Variants in DNMBP observed in about 807,000 individuals in gnomAD.
DNMBP encodes the protein dynamin-binding protein.
A neutral mutation model predicts 150.0 loss-of-function variants in DNMBP; 87 were observed. That is an observed-to-expected ratio of 0.58 (90% confidence interval 0.49 to 0.69). DNMBP has a LOEUF of 0.69. DNMBP is among the 30% of genes least tolerant of loss of function. DNMBP has a pLI of 0.00. For missense variants in DNMBP, 1,774 were observed against 1,949.0 expected, an observed-to-expected ratio of 0.91 and a Z score of 1.69; for synonymous variants, 711 against 750.4, an observed-to-expected ratio of 0.95 and a Z score of 0.86.
At chr10:99,973,197 T>C (rs2040696606) in intron 1 of DNMBP, among the ~76,000 whole-genome samples, 3 of 152,140 alleles carry the variant, frequency 2.0e-5, no homozygotes, top group African/African-American at 4.8e-5. Flanking sequence ...TCCCAAAGTG[T>C]TGGGATTCCA....
rs780543149 is a variant in DNMBP at position 99,955,417 on chromosome 10, T to C, written c.2057A>G (p.Asp686Gly). The C allele has an allele frequency of 6.2e-7, 1 of 1,613,914 alleles. No homozygotes were observed. The highest frequency in any genetic ancestry group is 8.5e-7 in the Non-Finnish European group (1 of 1,179,950). The change falls in exon 4 of 17, where the codon GAC (aspartate) becomes GGC (glycine). Residue 686 changes from aspartate to glycine, a missense_variant. Asp to Gly is a moderately conservative substitution (Grantham distance 94). This residue lies in a region of DNMBP where 1,430 missense variants were observed against 1,492.5 expected (regional missense o/e 0.96). Transcript: ENST00000324109. The stretch of plus-strand genomic sequence containing the variant: ...CACTAAGGGGCATGGGGAGGTCTGG[T>C]CCAGACTCCTTCCCATATGACCAGG... ...EGPGHMGRSL[D>G]QTSPCPLVLV... is the part of the protein sequence containing the mutation.
At chr10:99,885,959 A>T in intron 13 of DNMBP, 93 bp from the exon 14 acceptor site, 1 of 1,220,594 alleles carries the variant, frequency 8.2e-7, no homozygotes, top group Non-Finnish European at 1.1e-6. Flanking sequence ...AAGATCCCGG[A>T]TTGACAGTCT....
chr10:99,950,796 T>G (rs2040412598), intron 4 of DNMBP, among the ~76,000 whole-genome samples: 1 of 152,128 alleles, frequency 6.6e-6, no homozygotes, highest in Non-Finnish European at 1.5e-5. Context: ...TTATAAGGGA[T>G]GTACAGAACA....
In DNMBP at chr10:99,880,103, C is replaced by CTG. The variant is rs1554857703; in HGVS notation, c.4254_4255dup (p.Ser1419ThrfsTer5). 6.2e-7 allele frequency: 1 copy of CTG among 1,614,074 alleles called. No individual in the cohort carries two copies. Among genetic ancestry groups the CTG allele is most frequent in the Non-Finnish European group, 8.5e-7 (1 of 1,180,026 alleles). Reference sequence around the variant, plus strand: ...TGAATTACTCGGATTTAGGGATGCACTGAGAGTTCCTTGGTCACATTCTTT... The same window carrying CTG: ...TGAATTACTCGGATTTAGGGATGCACTGTGAGAGTTCCTTGGTCACATTCTTT... On this transcript the variant is annotated frameshift_variant, in exon 16 of 17. Coordinates refer to ENST00000324109, the MANE Select transcript of DNMBP (RefSeq NM_015221.4). LOFTEE classifies it high-confidence loss of function.
chr10:99,971,860 CTT>C (rs111359576), intron 2 of DNMBP, 118 bp downstream of exon 2: 4,666 of 690,518 alleles, frequency 6.8e-3, no homozygotes, highest in South Asian at 9.2e-3. Context: ...TTCTTTCTTT[CTT>C]TTTTTTTTTT....
intron 4 of DNMBP, among the ~76,000 whole-genome samples, chr10:99,943,612 G>T (rs1367658566): frequency 1.3e-5 from 2 of 152,190 alleles, no homozygotes; most frequent in East Asian, 3.9e-4. Flanking sequence ...ATGTTGCCTG[G>T]GCTGGTCTTA....
At chr10:99,994,510 A>T (rs1445647418) in intron 1 of DNMBP, among the ~76,000 whole-genome samples, 1 of 152,098 alleles carries the variant, frequency 6.6e-6, no homozygotes, top group Non-Finnish European at 1.5e-5. Context: ...TGTCTTCTTG[A>T]GAGGAAGGGG....
intron 7 of DNMBP, among the ~76,000 whole-genome samples, chr10:99,898,988 T>C (rs1197442353): frequency 1.3e-5 from 2 of 149,304 alleles, no homozygotes; most frequent in African/African-American, 4.9e-5. Context: ...AGGTCAGGAG[T>C]TCAAGACCTG....
In DNMBP at chr10:99,918,513, A is replaced by G. The variant is rs575803444; in HGVS notation, c.2261-9367T>C. Among the ~76,000 whole-genome samples the G allele has an allele frequency of 2.6e-5, 4 of 151,808 alleles. No individual in the cohort carries two copies. In the South Asian group the frequency reaches 8.3e-4, roughly 32 times the overall value. ...TTCCCCTTTTCATATCCAGGTCCCA[A>G]TCTAGGCAAACAGGACAACAAATGA... On this transcript the variant is annotated intron_variant, in intron 4 of 16. Coordinates refer to ENST00000324109, the MANE Select transcript of DNMBP (RefSeq NM_015221.4).
In DNMBP at chr10:99,913,565, G is replaced by A. The variant is rs188998919; in HGVS notation, c.2261-4419C>T. 2.0e-5 allele frequency among the ~76,000 whole-genome samples: 3 copies of A among 152,248 alleles called. No homozygotes were observed. The East Asian group carries it at 5.8e-4, about 29-fold the overall frequency. ...TAGCCCGGCAGGTGTTAAAGGAGCT[G>A]GGACTGTTGCACAAATTTACTTCCT... On this transcript the variant is annotated intron_variant, in intron 4 of 16. Coordinates refer to ENST00000324109, the MANE Select transcript of DNMBP (RefSeq NM_015221.4).
chr10:99,956,796 T>C lies in DNMBP; in HGVS notation c.678A>G (p.Val226=), dbSNP rs1488072552. The change falls in exon 4 of 17, where the codon GTA becomes GTG. Residue 226 remains valine, a synonymous_variant. Coordinates refer to ENST00000324109, the MANE Select transcript of DNMBP (RefSeq NM_015221.4). ...NQDDCIVNGE[V]DTPVGEEEIG... is the part of the protein sequence containing the mutation. ...TCTCTTCTTCTCCTACAGGGGTATC[T>C]ACTTCACCATTAACAATGCAGTCAT... The C allele has an allele frequency of 1.2e-6, 2 of 1,614,172 alleles. No homozygotes were observed. The highest frequency in any genetic ancestry group is 1.7e-6 in the Non-Finnish European group (2 of 1,180,028).
chr10:99,901,521 C>T (rs1275213368), intron 6 of DNMBP, among the ~76,000 whole-genome samples: 1 of 151,792 alleles, frequency 6.6e-6, no homozygotes, highest in Non-Finnish European at 1.5e-5. Flanking sequence ...CATTTTTTTC[C>T]CTATCCCCAG....
At chr10:99,910,477 T>G (rs1026494121) in intron 4 of DNMBP, among the ~76,000 whole-genome samples, 2 of 152,082 alleles carry the variant, frequency 1.3e-5, no homozygotes, top group Non-Finnish European at 2.9e-5. Flanking sequence ...GAGGCAGAGG[T>G]TGCAGCGACA....
chr10:99,989,045 C>T (rs550278116), intron 1 of DNMBP, among the ~76,000 whole-genome samples: 35 of 152,278 alleles, frequency 2.3e-4, no homozygotes, highest in Admixed American at 2.0e-4. Flanking sequence ...ATAATATATA[C>T]GCTAGTAGAC....
At chr10:99,951,842 A>G (rs1174335490) in intron 4 of DNMBP, among the ~76,000 whole-genome samples, 1 of 152,204 alleles carries the variant, frequency 6.6e-6, no homozygotes, top group Non-Finnish European at 1.5e-5. Context: ...TAATGCTGAA[A>G]TGAGTTAAGA....
rs1441937584 is a variant in DNMBP at position 99,885,764 on chromosome 10, A to T, written c.3721T>A (p.Ser1241Thr). ...AATGGCTTCTTGGTAGCTGGAAGAG[A>T]CTCCGGGAAGAAGGTAAAAACCTGG... ...QLQVFTFFPE[S>T]LPATKKPFER... The change falls in exon 14 of 17, where the codon TCT becomes ACT. Residue 1241 changes from serine (S) to threonine (T), a missense_variant. Coordinates refer to ENST00000324109, the MANE Select transcript of DNMBP (RefSeq NM_015221.4). 1 of 1,607,014 alleles carries T rather than the reference A, an allele frequency of 6.2e-7. No homozygotes were observed. Among genetic ancestry groups the T allele is most frequent in the East Asian group, 2.2e-5 (1 of 44,840 alleles).
chr10:100,003,884 AC>A (rs550500244), intron 1 of DNMBP, among the ~76,000 whole-genome samples: 33 of 151,966 alleles, frequency 2.2e-4, no homozygotes, highest in Non-Finnish European at 4.3e-4. Context: ...TAAGATGTTA[AC>A]CCTCCTCAAA....
At chr10:99,984,705 A>C (rs916939038) in intron 1 of DNMBP, among the ~76,000 whole-genome samples, 3 of 152,188 alleles carry the variant, frequency 2.0e-5, no homozygotes, top group African/African-American at 7.2e-5. Context: ...AGAAGATTTA[A>C]AAAGACATGA....
rs377597240 is a variant in DNMBP at position 99,884,128 on chromosome 10, G to C, written c.3880C>G (p.Arg1294Gly). The C allele has an allele frequency of 1.6e-5, 26 of 1,614,032 alleles. No homozygotes were observed. The highest frequency in any genetic ancestry group is 2.2e-5 in the Non-Finnish European group (26 of 1,180,032). ...YPPEKLFQAE[R>G]NFNAAQDLDV... is the part of the protein sequence containing the mutation. ...AAGTCTTGAGCAGCATTGAAGTTCC[G>C]TTCTGCCTGGAAGAGTTTTTCAGGG... is the stretch of plus-strand genomic sequence containing the variant. The change falls in exon 15 of 17, where the codon CGG becomes GGG. Residue 1294 changes from arginine to glycine, a missense_variant. Physicochemically the swap from Arg to Gly is moderately radical, Grantham distance 125. This residue lies in a region of DNMBP where 1,430 missense variants were observed against 1,492.5 expected (regional missense o/e 0.96). Coordinates refer to ENST00000324109, the MANE Select transcript of DNMBP (RefSeq NM_015221.4).
Sources: gnomAD v4.1 joint callset for allele counts (sites outside exome capture counted in the v4.1 genomes callset) on GRCh38, gnomAD v4.1.1 for gene constraint, gnomAD v4.1.1 regional missense constraint, MANE v1.5 for transcripts, NCBI Gene and HGNC (gene_info 2026-07-23, HGNC 2026-07-21) for gene names.